Variants in DPY19L2 observed in about 807,000 individuals in gnomAD.
DPY19L2 encodes probable C-mannosyltransferase DPY19L2.
In DPY19L2, 34 loss-of-function variants were observed where a neutral mutation model predicts 97.9. That is an observed-to-expected ratio of 0.35 (90% CI 0.26 to 0.46). The LOEUF is 0.46. Ranked by LOEUF, DPY19L2 falls within the 20% of genes least tolerant of loss-of-function variation. The pLI is 1.00. For missense variants in DPY19L2, 623 were observed against 911.4 expected (o/e 0.68, Z 4.07); for synonymous variants, 230 against 307.9 (o/e 0.75, Z 2.65).
At chr12:63,571,853 A>T (rs139372595) in intron 19 of DPY19L2, among the ~76,000 whole-genome samples, 7 of 152,294 alleles carry the variant, frequency 4.6e-5, no homozygotes, top group Non-Finnish European at 8.8e-5. Flanking sequence ...TATAAAAAAC[A>T]ATTACAAAAT....
chr12:63,584,600 C>T (rs998006804), intron 16 of DPY19L2, among the ~76,000 whole-genome samples: 14 of 152,182 alleles, frequency 9.2e-5, no homozygotes, highest in African/African-American at 3.1e-4. Flanking sequence ...ACCCCTTTGT[C>T]CAGCATATCC....
At chr12:63,632,485 G>C (rs1305748850) in intron 6 of DPY19L2, among the ~76,000 whole-genome samples, 1 of 152,004 alleles carries the variant, frequency 6.6e-6, no homozygotes, top group Non-Finnish European at 1.5e-5. Flanking sequence ...AGAGAATAAA[G>C]TACCTAGGAA....
At chr12:63,607,648 A>G (rs1013346507) in intron 12 of DPY19L2, among the ~76,000 whole-genome samples, 1 of 152,142 alleles carries the variant, frequency 6.6e-6, no homozygotes, top group African/African-American at 2.4e-5. Context: ...AATATATAAC[A>G]TGTAAAGATA....
chr12:63,668,746 C>G (rs1329293989), upstream of DPY19L2: 3 of 296,964 alleles, frequency 1.0e-5, no homozygotes, highest in Admixed American at 4.9e-5. Context: ...AGCCCACATG[C>G]GCAGTCCTCA....
chr12:63,608,283 G>A (rs1886388355), intron 12 of DPY19L2, among the ~76,000 whole-genome samples: 1 of 152,164 alleles, frequency 6.6e-6, no homozygotes, highest in African/African-American at 2.4e-5. Context: ...GAGTTATGTT[G>A]AAGGGAAGGT....
chr12:63,576,279 T>C (rs936746668), intron 19 of DPY19L2, among the ~76,000 whole-genome samples: 14 of 151,906 alleles, frequency 9.2e-5, no homozygotes, highest in African/African-American at 2.9e-4. Context: ...AAACTGGGTA[T>C]AGAAGGAACA....
chr12:63,657,827 A>G (rs963126980), intron 4 of DPY19L2, among the ~76,000 whole-genome samples: 13 of 152,160 alleles, frequency 8.5e-5, no homozygotes, highest in Non-Finnish European at 1.6e-4. Flanking sequence ...GCTCACACTA[A>G]GCCTGTAGCA....
intron 3 of DPY19L2, among the ~76,000 whole-genome samples, chr12:63,662,279 T>C (rs998278788): frequency 6.6e-6 from 1 of 152,096 alleles, no homozygotes; most frequent in Non-Finnish European, 1.5e-5. Flanking sequence ...CCCTAAAAAA[T>C]GCTATATGCT....
chr12:63,594,491 G>GTGTGTGTGTGTGTGTGTGTGTGTA (rs58963302), intron 15 of DPY19L2, among the ~76,000 whole-genome samples: 26 of 144,642 alleles, frequency 1.8e-4, no homozygotes, highest in African/African-American at 6.7e-4. Context: ...GTGTGTGTGT[G>GTGTGTGTGTGTGTGTGTGTGTGTA]TATGAAACTT....
At chr12:63,572,342 G>A (rs1186702860) in intron 19 of DPY19L2, among the ~76,000 whole-genome samples, 1 of 152,162 alleles carries the variant, frequency 6.6e-6, no homozygotes, top group East Asian at 1.9e-4. Context: ...TCTGCCTGGG[G>A]AAAGGGGAAG....
intron 19 of DPY19L2, among the ~76,000 whole-genome samples, chr12:63,576,284 G>A (rs1053750093): frequency 6.6e-6 from 1 of 151,828 alleles, no homozygotes; most frequent in Non-Finnish European, 1.5e-5. Context: ...GGGTATAGAA[G>A]GAACATTAAT....
Position 63,665,858 on chromosome 12 carries a change from A to T in DPY19L2, c.339T>A (p.Ala113=), listed in dbSNP as rs751580210. 9.5e-6 allele frequency: 15 copies of T among 1,585,324 alleles called. No individual in the cohort carries two copies. Among genetic ancestry groups the T allele is most frequent in the Non-Finnish European group, 1.2e-5 (14 of 1,164,348 alleles). Residue 113 remains alanine, a splice_region_variant and synonymous_variant, in exon 2 of 22, where the codon GCT becomes GCA. Coordinates refer to ENST00000324472, the MANE Select transcript of DPY19L2 (RefSeq NM_173812.5). The part of the protein sequence containing the change: ...RFSSRTTLGI[A]VFVAILHWLH... ...ACCAATGTAAAATTGCCACAAAGAC[A>T]GCTGGAATAAAGAAAAAAAGGAAAG... is the stretch of plus-strand genomic sequence containing the variant.
intron 6 of DPY19L2, among the ~76,000 whole-genome samples, chr12:63,630,676 A>G (rs1324954975): frequency 6.6e-6 from 1 of 152,040 alleles, no homozygotes. Context: ...AAAGTTAACA[A>G]GGATATCCAG....
chr12:63,624,879 G>C (rs948345011), intron 7 of DPY19L2, among the ~76,000 whole-genome samples: 40 of 152,172 alleles, frequency 2.6e-4, no homozygotes, highest in Middle Eastern at 6.8e-3. Flanking sequence ...TACCAAAATT[G>C]TAAATGTTGG....
chr12:63,607,842 A>G (rs1312105773), intron 12 of DPY19L2, among the ~76,000 whole-genome samples: 3 of 151,864 alleles, frequency 2.0e-5, no homozygotes, highest in Middle Eastern at 6.8e-3. Context: ...CGTGTTGCCC[A>G]GGCTGGTCTC....
At chr12:63,619,562 A>G (rs1374732299) in intron 9 of DPY19L2, among the ~76,000 whole-genome samples, 2 of 151,462 alleles carry the variant, frequency 1.3e-5, no homozygotes, top group Non-Finnish European at 2.9e-5. Context: ...CCCAGGCTGG[A>G]GTGCAGTAGT....
At chr12:63,645,525 C>A (rs1893301596) in intron 5 of DPY19L2, among the ~76,000 whole-genome samples, 1 of 152,012 alleles carries the variant, frequency 6.6e-6, no homozygotes, top group South Asian at 2.1e-4. Flanking sequence ...ACTTGATGTC[C>A]CCACTCTGAG....
At chr12:63,604,721 C>A (rs928635809) in intron 12 of DPY19L2, among the ~76,000 whole-genome samples, 24 of 152,034 alleles carry the variant, frequency 1.6e-4, no homozygotes, top group Admixed American at 8.5e-4. Flanking sequence ...CTGTGGTGAG[C>A]TTTTATAGCC....
chr12:63,628,538 A>C (rs1209517878), intron 6 of DPY19L2, among the ~76,000 whole-genome samples: 1 of 152,150 alleles, frequency 6.6e-6, no homozygotes, highest in Non-Finnish European at 1.5e-5. Context: ...CACCATGGCC[A>C]AGGCTTGAGT....
Sources: allele counts gnomAD v4.1 joint callset (sites outside exome capture counted in the v4.1 genomes callset), GRCh38; gene constraint gnomAD v4.1.1; transcripts MANE v1.5; gene names NCBI Gene and HGNC (gene_info 2026-07-23, HGNC 2026-07-21).